FBN1: variants seen among roughly 807,000 people sequenced by gnomAD.
The protein encoded by FBN1 is fibrillin 1, also known as fibrillin-1.
In FBN1, 29 loss-of-function variants were observed where a neutral mutation model predicts 365.1. That is an observed-to-expected ratio of 0.08 (90% CI 0.06 to 0.11). The LOEUF (loss-of-function observed/expected upper bound fraction) is 0.11, where lower values mean the gene tolerates loss of function less well. Among genes scored for constraint, FBN1 ranks in the 10% least tolerant of loss-of-function variants. The probability of loss-of-function intolerance (pLI) is 1.00; values close to 1 mark genes in which losing one functional copy is unlikely to be tolerated. For synonymous variants in FBN1, 1,210 were observed against 1,270.5 expected (o/e 0.95, Z 1.01); for missense variants, 2,476 against 3,703.2 (o/e 0.67, Z 8.60).
intron 53 of FBN1, 91 bp from the exon 54 acceptor site, chr15:48,434,804 T>C (rs774162210): frequency 4.6e-6 from 7 of 1,510,782 alleles, no homozygotes; most frequent in Non-Finnish European, 6.3e-6. Context: ...ATTTTGTTGT[T>C]GTTGTTGTTT....
chr15:48,421,601 G>A lies in FBN1; in HGVS notation c.7656C>T (p.Cys2552=). ...TCTGATCAAGTGAGAATCCCCGCTG[G>A]CATTCACAGGTGAAGCTTCCAGGAG... ...QNTPGSFTCE[C]QRGFSLDQTG... is the part of the protein sequence containing the mutation. The change falls in exon 62 of 66, where the codon TGC becomes TGT. Residue 2552 remains cysteine, a synonymous_variant. Coordinates refer to ENST00000316623, the MANE Select transcript of FBN1 (RefSeq NM_000138.5). The A allele has an allele frequency of 6.2e-7, 1 of 1,613,784 alleles. No homozygotes were observed. The highest frequency in any genetic ancestry group is 8.5e-7 in the Non-Finnish European group (1 of 1,179,940).
At chr15:48,461,460 T>A in intron 42 of FBN1, among the ~76,000 whole-genome samples, 2 of 152,298 alleles carry the variant, frequency 1.3e-5, no homozygotes, top group Middle Eastern at 6.8e-3. Context: ...AAAAATCTAA[T>A]CTTTAAAAAA....
chr15:48,492,419 T>C, intron 24 of FBN1, 42 bp downstream of exon 24: 1 of 1,585,750 alleles, frequency 6.3e-7, no homozygotes, highest in Non-Finnish European at 8.7e-7. Flanking sequence ...TTAATAATCG[T>C]TAATAAATTA....
At chr15:48,560,605 G>C (rs767143418) in intron 6 of FBN1, among the ~76,000 whole-genome samples, 1 of 152,154 alleles carries the variant, frequency 6.6e-6, no homozygotes, top group Non-Finnish European at 1.5e-5. Flanking sequence ...CTTGGTATGT[G>C]TTGGCTTTGT....
chr15:48,488,279 G>C (rs554833007), intron 26 of FBN1, 38 bp from the exon 27 acceptor site: 1 of 1,614,148 alleles, frequency 6.2e-7, no homozygotes, highest in East Asian at 2.2e-5. Flanking sequence ...ATGAGTCTCA[G>C]GACAGCCTTA....
chr15:48,448,628 T>C, intron 46 of FBN1, 140 bp downstream of exon 46: 1 of 721,038 alleles, frequency 1.4e-6, no homozygotes, highest in Admixed American at 2.4e-5. Flanking sequence ...AGGATATCAC[T>C]GCTGCATATC....
chr15:48,587,266 A>T (rs892440608), intron 6 of FBN1, among the ~76,000 whole-genome samples: 1 of 152,266 alleles, frequency 6.6e-6, no homozygotes, highest in African/African-American at 2.4e-5. Flanking sequence ...TCAGTTGGGC[A>T]TATAAAATTG....
At chr15:48,500,405 G>T (rs539911920) in intron 17 of FBN1, among the ~76,000 whole-genome samples, 1 of 151,974 alleles carries the variant, frequency 6.6e-6, no homozygotes, top group South Asian at 2.1e-4. Context: ...TTTTAATACC[G>T]ATGACAACGC....
intron 60 of FBN1, among the ~76,000 whole-genome samples, chr15:48,424,874 A>G (rs2042966479): frequency 6.6e-6 from 1 of 152,224 alleles, no homozygotes; most frequent in Admixed American, 6.5e-5. Flanking sequence ...TTTATGTCTC[A>G]GGGAAGCTCC....
intron 8 of FBN1, among the ~76,000 whole-genome samples, chr15:48,527,246 C>T (rs2043922564): frequency 6.6e-6 from 1 of 152,206 alleles, no homozygotes; most frequent in Admixed American, 6.5e-5. Context: ...CCACTGGTTC[C>T]CATCAAGGAA....
At chr15:48,466,601 G>T (rs985625879) in intron 38 of FBN1, among the ~76,000 whole-genome samples, 15 of 152,268 alleles carry the variant, frequency 9.9e-5, no homozygotes, top group Admixed American at 7.2e-4. Flanking sequence ...GTCATGGTCT[G>T]TCCAGATCTG....
At chr15:48,515,575 T>G in intron 11 of FBN1, 48 bp from the exon 12 acceptor site, 1 of 1,606,546 alleles carries the variant, frequency 6.2e-7, no homozygotes, top group Non-Finnish European at 8.5e-7. Context: ...TATGGTATCT[T>G]TCATCAGTAC....
chr15:48,634,838 C>CAAA lies in FBN1; in HGVS notation c.164+9765_164+9767dup, dbSNP rs750793468. Among the ~76,000 whole-genome samples the CAAA allele has an allele frequency of 9.9e-4, 39 of 39,308 alleles. 2 individuals are homozygous for CAAA. Among genetic ancestry groups the CAAA allele is most frequent in the African/African-American group, 3.4e-3 (28 of 8,262 alleles). 25.8% of individuals were successfully genotyped at this position (39,308 alleles called of 152,430 possible). On this transcript the variant is annotated intron_variant, in intron 2 of 65. Coordinates refer to ENST00000316623, the MANE Select transcript of FBN1 (RefSeq NM_000138.5). ...AACCGGAAAAGGAAGAAGAAGAAAC[C>CAAA]AAAAAAAAAAAAAAAAAACCACACA...
intron 6 of FBN1, among the ~76,000 whole-genome samples, chr15:48,586,363 C>T (rs916572236): frequency 4.6e-5 from 7 of 152,138 alleles, no homozygotes; most frequent in Admixed American, 4.6e-4. Context: ...GGCTGGCCTC[C>T]TACAGTCAGG....
At chr15:48,444,389 G>A in intron 49 of FBN1, 152 bp downstream of exon 49, 1 of 881,328 alleles carries the variant, frequency 1.1e-6, no homozygotes, top group East Asian at 2.5e-5. Context: ...TTCTTGTCTT[G>A]CCAGAAGGAT....
At position 48,568,049 on chromosome 15, in the gene FBN1, G is replaced by A. The variant is rs867145765; in HGVS notation, c.538+28234C>T. Among the ~76,000 whole-genome samples the A allele has an allele frequency of 2.8e-3, 111 of 40,118 alleles. 1 individual carries two copies. The highest frequency in any genetic ancestry group is 0.016 in the Middle Eastern group (1 of 64). 26.3% of individuals were successfully genotyped at this position (40,118 alleles called of 152,430 possible). A position where few individuals can be genotyped will look rare whatever the true frequency, so the allele number is the denominator to read the frequency against. ...AGAAAGAAAGAAAGAAAGAAAGAAA[G>A]AAGAAAGAAAGAAAGAAAGAAAGAA... On this transcript the variant is annotated intron_variant, in intron 6 of 65. Coordinates refer to ENST00000316623, the MANE Select transcript of FBN1 (RefSeq NM_000138.5).
intron 55 of FBN1, among the ~76,000 whole-genome samples, chr15:48,432,091 GC>G: frequency 6.6e-6 from 1 of 151,856 alleles, no homozygotes; most frequent in South Asian, 2.1e-4. Context: ...ACTTGGTTGG[GC>G]CTTCCTCAGT....
At position 48,414,963 on chromosome 15, in the gene FBN1, T is replaced by G. The variant is rs376223291; in HGVS notation, c.8051+573A>C. Among the ~76,000 whole-genome samples the G allele has an allele frequency of 5.9e-4, 89 of 151,672 alleles. 1 individual carries two copies. In the East Asian group the frequency reaches 0.015, roughly 25 times the overall value. ...GACACACCTATAATTTGGTGAAGTG[T>G]TTTTTTTGTTTTTCTTTTTTTAACC... is the stretch of plus-strand genomic sequence containing the variant. On this transcript the variant is annotated intron_variant, in intron 64 of 65. Coordinates refer to ENST00000316623, the MANE Select transcript of FBN1 (RefSeq NM_000138.5).
chr15:48,548,913 T>G (rs1050724411), intron 6 of FBN1, among the ~76,000 whole-genome samples: 2 of 152,220 alleles, frequency 1.3e-5, no homozygotes, highest in Middle Eastern at 3.2e-3. Context: ...TCCAAACCTT[T>G]AAGGGTAAAA....
Sources: gnomAD v4.1 joint callset for allele counts (sites outside exome capture counted in the v4.1 genomes callset) on GRCh38, gnomAD v4.1.1 for gene constraint, MANE v1.5 for transcripts, NCBI Gene and HGNC (gene_info 2026-07-23, HGNC 2026-07-21) for gene names.